The following CPD variants were observed in gnomAD, a reference collection of about 807,000 sequenced individuals.
CPD encodes carboxypeptidase D, also known as metallocarboxypeptidase D.
A neutral mutation model predicts 138.3 loss-of-function variants in CPD; 69 were observed. That is an observed-to-expected ratio of 0.50 (90% CI 0.41 to 0.61). CPD has a LOEUF of 0.61. Among genes scored for constraint, CPD ranks in the 20% least tolerant of loss-of-function variants. CPD has a pLI of 0.00. For synonymous variants in CPD, 651 were observed against 642.1 expected (o/e 1.01, Z -0.21); for missense variants, 1,432 against 1,733.3 (o/e 0.83, Z 3.09).
rs1913589772 is a variant in CPD at position 30,464,760 on chromosome 17, G to A, written c.4089G>A (p.Glu1363=). The change falls in exon 21 of 21, where the codon GAG becomes GAA. Residue 1363 remains glutamate (E), a synonymous_variant. Transcript: ENST00000225719. Reference sequence around the variant, plus strand: ...CCAAGAAGTCCCTCCTAAGCCATGAGTTCCAGGATGAAACAGACACTGAAG... The same window carrying A: ...CCAAGAAGTCCCTCCTAAGCCATGAATTCCAGGATGAAACAGACACTGAAG... ...TGSKKSLLSH[E]FQDETDTEEE... is the part of the protein sequence containing the mutation. The A allele has an allele frequency of 6.2e-7, 1 of 1,613,958 alleles. No homozygotes were observed. Among genetic ancestry groups the A allele is most frequent in the Non-Finnish European group, 8.5e-7 (1 of 1,179,892 alleles).
At chr17:30,394,750 A>AC (rs1418346186) in intron 2 of CPD, among the ~76,000 whole-genome samples, 1 of 152,202 alleles carries the variant, frequency 6.6e-6, no homozygotes, top group African/African-American at 2.4e-5. Flanking sequence ...TGCAGAATTG[A>AC]CCATCGTTTA....
intron 8 of CPD, among the ~76,000 whole-genome samples, chr17:30,434,328 G>A (rs952718150): frequency 2.0e-5 from 3 of 152,136 alleles, no homozygotes; most frequent in African/African-American, 7.2e-5. Flanking sequence ...GATCTATCAT[G>A]CACCTACCCC....
Position 30,456,311 on chromosome 17 carries a change from A to T in CPD, c.3393A>T (p.Pro1131=), listed in dbSNP as rs1476955232. ...CATCTCTTTATGCAAATAATCATCC[A>T]TCCATGCACATGGGTCAGCCCAGTT... ...HLASLYANNH[P]SMHMGQPSCP... The change falls in exon 16 of 21, where the codon CCA becomes CCT. Residue 1131 remains proline, a synonymous_variant. Transcript: ENST00000225719. 2 of 1,614,240 alleles carry T rather than the reference A, an allele frequency of 1.2e-6. No homozygotes were observed. The highest frequency in any genetic ancestry group is 3.3e-5 in the Admixed American group (2 of 60,032).
chr17:30,395,133 A>G (rs1911464494), intron 2 of CPD, among the ~76,000 whole-genome samples: 1 of 151,766 alleles, frequency 6.6e-6, no homozygotes, highest in Non-Finnish European at 1.5e-5. Flanking sequence ...GTTTTCTGGC[A>G]TAATTTAATT....
chr17:30,423,415 A>C (rs926250552), intron 5 of CPD, 91 bp from the exon 6 acceptor site: 7 of 931,170 alleles, frequency 7.5e-6, no homozygotes, highest in Non-Finnish European at 9.0e-6. Context: ...AAAATTTTTT[A>C]GTATAGGATT....
At chr17:30,432,605 A>G (rs1278061575) in intron 8 of CPD, among the ~76,000 whole-genome samples, 1 of 152,124 alleles carries the variant, frequency 6.6e-6, no homozygotes, top group Non-Finnish European at 1.5e-5. Context: ...GTGAAAATTT[A>G]ATTTAAAAAT....
intron 7 of CPD, among the ~76,000 whole-genome samples, chr17:30,429,125 A>T (rs923198903): frequency 6.6e-6 from 1 of 152,222 alleles, no homozygotes; most frequent in Admixed American, 6.5e-5. Flanking sequence ...GTTGGTAATC[A>T]TATATTGTTC....
At chr17:30,464,484 A>G (rs1258063195) in intron 20 of CPD, 104 bp from the exon 21 acceptor site, 1 of 839,632 alleles carries the variant, frequency 1.2e-6, no homozygotes, top group African/African-American at 1.7e-5. Context: ...TGAAATAGAA[A>G]TAAAATAAAT....
chr17:30,398,852 A>AT (rs1035937335), intron 2 of CPD, among the ~76,000 whole-genome samples: 1 of 150,724 alleles, frequency 6.6e-6, no homozygotes, highest in Non-Finnish European at 1.5e-5. Context: ...AATAAAAAAA[A>AT]TTTTTTTAAA....
chr17:30,449,432 T>C, intron 12 of CPD, 121 bp from the exon 13 acceptor site: 1 of 821,598 alleles, frequency 1.2e-6, no homozygotes, highest in Non-Finnish European at 1.8e-6. Context: ...AGTGATTCAC[T>C]CTTTAAAGAC....
intron 12 of CPD, among the ~76,000 whole-genome samples, chr17:30,448,952 T>A (rs957522610): frequency 7.9e-5 from 12 of 151,768 alleles, no homozygotes; most frequent in African/African-American, 1.5e-4. Context: ...AAATTTTTTT[T>A]AAAAAATTAG....
At chr17:30,382,695 G>A (rs1169548520) in intron 1 of CPD, among the ~76,000 whole-genome samples, 1 of 152,178 alleles carries the variant, frequency 6.6e-6, no homozygotes, top group Non-Finnish European at 1.5e-5. Flanking sequence ...TGGAAGAAAT[G>A]TTGAACAAAA....
At chr17:30,444,938 A>G (rs984179703) in intron 11 of CPD, among the ~76,000 whole-genome samples, 1 of 151,990 alleles carries the variant, frequency 6.6e-6, no homozygotes, top group African/African-American at 2.4e-5. Context: ...CACACTAATG[A>G]GTAATGAGGT....
At chr17:30,392,193 A>G (rs972314892) in intron 2 of CPD, among the ~76,000 whole-genome samples, 39 of 151,984 alleles carry the variant, frequency 2.6e-4, no homozygotes, top group African/African-American at 9.2e-4. Flanking sequence ...TATTTTTAGT[A>G]GAGACGGGGT....
chr17:30,437,868 G>T (rs1800000166), intron 8 of CPD, among the ~76,000 whole-genome samples: 1 of 152,028 alleles, frequency 6.6e-6, no homozygotes, highest in African/African-American at 2.4e-5. Flanking sequence ...ACAGAGTCTT[G>T]CTTTGTCACC....
Position 30,379,596 on chromosome 17 carries a change from A to G in CPD, c.616A>G (p.Ser206Gly). 6.7e-7 allele frequency: 1 copy of G among 1,481,840 alleles called. No individual in the cohort carries two copies. The highest frequency in any genetic ancestry group is 8.8e-7 in the Non-Finnish European group (1 of 1,130,720). The allele number at this position is 1,481,840 out of a possible 1,614,324, so 91.8% of individuals were successfully genotyped here. ...GFGDGGPSGA[S>G]GRDNSRGRDL... ...CGGCGACGGCGGCCCGTCCGGGGCC[A>G]GCGGCCGCGACAATAGTCGCGGCCG... The change falls in exon 1 of 21, where the codon AGC becomes GGC. Residue 206 changes from serine to glycine, a missense_variant. Around this residue, in one of 6 missense-constraint regions of CPD, gnomAD observed 484 missense variants for 477.2 expected, o/e 1.01. Transcript: ENST00000225719. The surrounding 1 kb of genome is among the most constrained non-coding windows in gnomAD (Gnocchi z 7.0).
At chr17:30,414,051 G>A (rs1912038900) in intron 2 of CPD, among the ~76,000 whole-genome samples, 1 of 152,214 alleles carries the variant, frequency 6.6e-6, no homozygotes, top group South Asian at 2.1e-4. Flanking sequence ...GTGATGGAGA[G>A]AGTATAAAAG....
chr17:30,401,155 G>C (rs886540402), intron 2 of CPD, among the ~76,000 whole-genome samples: 2 of 151,898 alleles, frequency 1.3e-5, no homozygotes, highest in African/African-American at 2.4e-5. Flanking sequence ...CCCTTTATAC[G>C]CACATCATTT....
chr17:30,379,269 C>A lies in CPD; in HGVS notation c.289C>A (p.Leu97Ile). The A allele has an allele frequency of 6.6e-7, 1 of 1,513,036 alleles. No individual in the cohort carries two copies. Among genetic ancestry groups the A allele is most frequent in the South Asian group, 1.2e-5 (1 of 82,314 alleles). 93.7% of individuals were successfully genotyped at this position (1,513,036 alleles called of 1,614,324 possible). ...RSVEGRPLWV[L>I]RLTAGLGSLI... The stretch of plus-strand genomic sequence containing the variant: ...GGTGGAAGGCCGGCCGCTGTGGGTG[C>A]TTCGCCTCACCGCCGGCCTGGGGTC... The change falls in exon 1 of 21, where the codon CTT (leucine) becomes ATT (isoleucine). Residue 97 changes from leucine (L) to isoleucine (I), a missense_variant. By Grantham distance (5) the Leu-to-Ile change is conservative. Around this residue, in one of 6 missense-constraint regions of CPD, gnomAD observed 484 missense variants for 477.2 expected, o/e 1.01. Coordinates refer to ENST00000225719, the MANE Select transcript of CPD (RefSeq NM_001304.5). This position sits in a 1 kb window ranked among gnomAD's most constrained non-coding sequence, Gnocchi z 7.0.
Sources: gnomAD v4.1 joint callset for allele counts (sites outside exome capture counted in the v4.1 genomes callset) on GRCh38, gnomAD v4.1.1 for gene constraint, gnomAD v4.1.1 regional missense constraint, Gnocchi (gnomAD v3.1) non-coding constraint, MANE v1.5 for transcripts, NCBI Gene and HGNC (gene_info 2026-07-23, HGNC 2026-07-21) for gene names.